DPP10: variants seen among roughly 807,000 people sequenced by gnomAD.
The protein encoded by DPP10 is dipeptidyl peptidase like 10, also known as inactive dipeptidyl peptidase 10.
DPP10 carries 33 observed loss-of-function variants against 120.9 expected under a neutral mutation model. That is an observed-to-expected ratio of 0.27 (90% CI 0.21 to 0.37). The LOEUF is 0.37. DPP10 is among the 10% of genes least tolerant of loss of function. DPP10 has a pLI of 1.00. For synonymous variants in DPP10, 337 were observed against 326.1 expected (o/e 1.03, Z -0.36); for missense variants, 816 against 942.8 (o/e 0.87, Z 1.76).
rs150105006 is a variant in DPP10, at chr2:114,606,722, A to T, written c.60+163884A>T. Among the ~76,000 whole-genome samples the T allele has an allele frequency of 6.6e-5, 10 of 152,232 alleles. No individual in the cohort carries two copies. In the East Asian group the frequency reaches 1.9e-3, roughly 30 times the overall value. On this transcript the variant is annotated intron_variant, in intron 1 of 25. Coordinates refer to ENST00000410059, the MANE Select transcript of DPP10 (RefSeq NM_020868.6). The stretch of plus-strand genomic sequence containing the variant: ...GAAGCTTAGTATCTCACATTCACAT[A>T]ATTTTTAGAAGCCATTTCATACCTT...
chr2:114,663,593 G>A (rs990969708), intron 1 of DPP10, among the ~76,000 whole-genome samples: 2 of 147,196 alleles, frequency 1.4e-5, no homozygotes, highest in Admixed American at 6.8e-5. Flanking sequence ...CATCATATAC[G>A]TGTATGTACA....
chr2:115,420,216 A>G (rs1038501909), intron 3 of DPP10, among the ~76,000 whole-genome samples: 1 of 152,172 alleles, frequency 6.6e-6, no homozygotes, highest in Non-Finnish European at 1.5e-5. Context: ...GATAATCACT[A>G]TTTAATGTCT....
chr2:115,837,095 TGTCTA>T (rs1173960328), intron 24 of DPP10, among the ~76,000 whole-genome samples: 7 of 152,216 alleles, frequency 4.6e-5, no homozygotes, highest in African/African-American at 1.4e-4. Context: ...AAGGCACTTG[TGTCTA>T]GTGACTATGG....
chr2:114,834,656 A>G (rs1230170129), intron 1 of DPP10, among the ~76,000 whole-genome samples: 1 of 129,104 alleles, frequency 7.7e-6, no homozygotes, highest in Non-Finnish European at 1.6e-5. Flanking sequence ...ACACCTATGT[A>G]TATATATAGG....
chr2:115,366,585 A>G (rs2065091671), intron 3 of DPP10, among the ~76,000 whole-genome samples: 1 of 152,070 alleles, frequency 6.6e-6, no homozygotes, highest in South Asian at 2.1e-4. Context: ...TGGCTTATCT[A>G]CCGAGTCCTT....
At chr2:115,644,915 A>G (rs138780934) in intron 5 of DPP10, among the ~76,000 whole-genome samples, 1 of 152,350 alleles carries the variant, frequency 6.6e-6, no homozygotes, top group East Asian at 1.9e-4. Flanking sequence ...AATTATTTAT[A>G]TTGAAATATC....
At chr2:114,973,489 G>T (rs993523352) in intron 1 of DPP10, among the ~76,000 whole-genome samples, 2 of 151,224 alleles carry the variant, frequency 1.3e-5, no homozygotes, top group African/African-American at 4.9e-5. Context: ...GTGAAACCCC[G>T]TCTCTACTAA....
intron 2 of DPP10, among the ~76,000 whole-genome samples, chr2:115,334,317 G>T (rs1206684062): frequency 5.0e-5 from 7 of 139,826 alleles, no homozygotes; most frequent in Non-Finnish European, 9.2e-5. Context: ...ATATATAGAA[G>T]GAAATCCCTA....
chr2:115,751,113 C>A (rs990939580), intron 10 of DPP10, among the ~76,000 whole-genome samples: 2 of 152,036 alleles, frequency 1.3e-5, no homozygotes, highest in Admixed American at 1.3e-4. Flanking sequence ...TTACAATATT[C>A]AAATTAATTT....
intron 1 of DPP10, among the ~76,000 whole-genome samples, chr2:114,828,250 G>C (rs986294589): frequency 6.6e-6 from 1 of 152,094 alleles, no homozygotes; most frequent in Non-Finnish European, 1.5e-5. Flanking sequence ...TCTGATAATG[G>C]GTAGATGTTC....
chr2:114,738,024 G>C (rs891401059), intron 1 of DPP10, among the ~76,000 whole-genome samples: 1 of 152,188 alleles, frequency 6.6e-6, no homozygotes, highest in Non-Finnish European at 1.5e-5. Flanking sequence ...ATGACGGAAG[G>C]TGAAGGGGAA....
At chr2:115,726,183 T>C (rs550898742) in intron 7 of DPP10, among the ~76,000 whole-genome samples, 1 of 152,326 alleles carries the variant, frequency 6.6e-6, no homozygotes, top group South Asian at 2.1e-4. Context: ...GCTACTGTTC[T>C]GCTCCTACTC....
intron 1 of DPP10, among the ~76,000 whole-genome samples, chr2:114,906,298 C>A (rs992838954): frequency 1.3e-5 from 2 of 151,726 alleles, no homozygotes; most frequent in Non-Finnish European, 2.9e-5. Context: ...GCATGAGAAT[C>A]GCTCAAACCT....
intron 1 of DPP10, among the ~76,000 whole-genome samples, chr2:115,163,717 G>A (rs549549241): frequency 6.6e-6 from 1 of 152,300 alleles, no homozygotes; most frequent in African/African-American, 2.4e-5. Context: ...GATGCTACCA[G>A]TAAGAAAGAT....
At chr2:115,465,390 T>G (rs574143028) in intron 3 of DPP10, among the ~76,000 whole-genome samples, 1 of 152,294 alleles carries the variant, frequency 6.6e-6, no homozygotes, top group Admixed American at 6.5e-5. Flanking sequence ...TTTTTCACAC[T>G]GAGGAAGGAG....
chr2:114,656,639 G>A (rs116278959), intron 1 of DPP10, among the ~76,000 whole-genome samples: 1 of 152,092 alleles, frequency 6.6e-6, no homozygotes, highest in Non-Finnish European at 1.5e-5. Flanking sequence ...TAGTGGTGAG[G>A]ATATGTAGCA....
chr2:114,820,813 A>G (rs1298461230), intron 1 of DPP10, among the ~76,000 whole-genome samples: 2 of 152,180 alleles, frequency 1.3e-5, no homozygotes, highest in African/African-American at 4.8e-5. Flanking sequence ...TGGCGATGAG[A>G]TTTGGGTGGG....
At chr2:115,676,689 C>T (rs951799697) in intron 5 of DPP10, among the ~76,000 whole-genome samples, 15 of 151,852 alleles carry the variant, frequency 9.9e-5, no homozygotes, top group South Asian at 4.2e-4. Flanking sequence ...GACTACGGGA[C>T]GTATAAGAGG....
chr2:115,384,669 AAGGAAGAAGAAG>A (rs767922650), intron 3 of DPP10, among the ~76,000 whole-genome samples: 2 of 148,144 alleles, frequency 1.4e-5, no homozygotes, highest in South Asian at 4.4e-4. Flanking sequence ...GAAGAAGAAG[AAGGAAGAAGAAG>A]AGGAAGAAGA....
Sources: allele counts gnomAD v4.1 joint callset (sites outside exome capture counted in the v4.1 genomes callset), GRCh38; gene constraint gnomAD v4.1.1; transcripts MANE v1.5; gene names NCBI Gene and HGNC (gene_info 2026-07-23, HGNC 2026-07-21).